ESRRB: variants seen among roughly 807,000 people sequenced by gnomAD.
ESRRB encodes estrogen related receptor beta.
Under a neutral mutation model 46.0 loss-of-function variants are expected in ESRRB, and 16 were observed. That is an observed-to-expected ratio of 0.35 (90% confidence interval 0.24 to 0.53). The LOEUF is 0.53. ESRRB is among the 20% of genes least tolerant of loss of function. ESRRB has a pLI of 0.93. For synonymous variants in ESRRB, 246 were observed against 259.6 expected (o/e 0.95, Z 0.50); for missense variants, 488 against 607.4 (o/e 0.80, Z 2.07).
chr14:76,382,135 C>T (rs182138489), intron 1 of ESRRB, among the ~76,000 whole-genome samples: 1 of 152,326 alleles, frequency 6.6e-6, no homozygotes, highest in Non-Finnish European at 1.5e-5. Flanking sequence ...AAGAGAGTTT[C>T]CACCGTGGGA....
chr14:76,416,981 T>C (rs1232370144), intron 1 of ESRRB, among the ~76,000 whole-genome samples: 2 of 151,940 alleles, frequency 1.3e-5, no homozygotes, highest in African/African-American at 4.8e-5. Context: ...ATGTAGAGTA[T>C]ATGAAATTAG....
chr14:76,447,296 T>TCCTTCCTTCCTC (rs1888194927), intron 2 of ESRRB, among the ~76,000 whole-genome samples: 1 of 133,864 alleles, frequency 7.5e-6, no homozygotes, highest in Non-Finnish European at 1.6e-5. Context: ...CTTCCTTCCT[T>TCCTTCCTTCCTC]CCTTCTTTCC....
In ESRRB at chr14:76,491,536, C is replaced by A; in HGVS notation, c.940C>A (p.Leu314Met). The A allele has an allele frequency of 6.3e-7, 1 of 1,598,480 alleles. No individual in the cohort carries two copies. Among genetic ancestry groups the A allele is most frequent in the South Asian group, 1.1e-5 (1 of 88,466 alleles). ...ILILGIVYRS[L>M]PYDDKLVYAE... ...CATCCTGGGCATCGTGTACCGCTCG[C>A]TGCCCTATGACGACAAGCTGGTGTA... Residue 314 changes from leucine (L) to methionine (M), a missense_variant, in exon 6 of 7, where the codon CTG (leucine) becomes ATG (methionine). Physicochemically the swap from Leu to Met is conservative, Grantham distance 15. Coordinates refer to ENST00000644823, the MANE Select transcript of ESRRB (RefSeq NM_001379180.1).
chr14:76,436,581 T>C (rs1447464407), intron 1 of ESRRB, among the ~76,000 whole-genome samples: 1 of 152,144 alleles, frequency 6.6e-6, no homozygotes, highest in African/African-American at 2.4e-5. Context: ...AGTTAGGATG[T>C]GGTCAGCTCT....
Position 76,482,059 on chromosome 14 carries a change from G to C in ESRRB, c.621G>C (p.Lys207Asn), listed in dbSNP as rs758354881. ...DRVRGGRQKY[K>N]RRLDSESSPY... ...TGCGTGGAGGCCGTCAGAAATACAA[G>C]CGACGGCTGGACTCAGAGAGCAGCC... The change falls in exon 4 of 7, where the codon AAG (lysine) becomes AAC (asparagine). Residue 207 changes from lysine (K) to asparagine (N), a missense_variant. Physicochemically the swap from Lys to Asn is moderately conservative, Grantham distance 94 (BLOSUM62 0). Transcript: ENST00000644823. This position sits in a 1 kb window ranked among gnomAD's most constrained non-coding sequence, Gnocchi z 4.3. The C allele has an allele frequency of 6.2e-7, 1 of 1,614,116 alleles. No homozygotes were observed. Among genetic ancestry groups the C allele is most frequent in the African/African-American group, 1.3e-5 (1 of 74,938 alleles).
At chr14:76,481,090 C>G (rs1889788394) in intron 3 of ESRRB, among the ~76,000 whole-genome samples, 1 of 152,232 alleles carries the variant, frequency 6.6e-6, no homozygotes, top group African/African-American at 2.4e-5. Context: ...CAGCACCATG[C>G]TTGGGGCACC....
At chr14:76,415,181 C>T (rs1029290012) in intron 1 of ESRRB, among the ~76,000 whole-genome samples, 2 of 152,124 alleles carry the variant, frequency 1.3e-5, no homozygotes, top group African/African-American at 4.8e-5. Context: ...GTGTTCCAAG[C>T]TCAGTGGAGT....
rs532101305 is a variant in ESRRB at position 76,489,394 on chromosome 14, C to T, written c.851-2053C>T. On this transcript the variant is annotated intron_variant, in intron 5 of 6. Transcript: ENST00000644823. Reference sequence around the variant, plus strand: ...ATCTTTTATTACCTCCCAGCTCCCCCGGCCACCACAGGCAGCCACACACCC... The same window carrying T: ...ATCTTTTATTACCTCCCAGCTCCCCTGGCCACCACAGGCAGCCACACACCC... Among the ~76,000 whole-genome samples, 212 of 149,746 alleles carry T rather than the reference C, an allele frequency of 1.4e-3. 1 individual carries two copies. The highest frequency in any genetic ancestry group is 3.5e-3 in the Middle Eastern group (1 of 284).
At chr14:76,349,594 G>T (rs1333265840) in intron 1 of ESRRB, among the ~76,000 whole-genome samples, 1 of 152,192 alleles carries the variant, frequency 6.6e-6, no homozygotes, top group East Asian at 1.9e-4. Context: ...ATGAGATTTG[G>T]ACTCTCTAGT....
intron 1 of ESRRB, among the ~76,000 whole-genome samples, chr14:76,335,668 G>A (rs1055065338): frequency 4.0e-4 from 61 of 152,228 alleles, no homozygotes; most frequent in African/African-American, 1.3e-3. Context: ...CTGGTTGGTG[G>A]GTTCTAAGTT....
At chr14:76,408,819 G>A (rs1886311292) in intron 1 of ESRRB, among the ~76,000 whole-genome samples, 1 of 152,138 alleles carries the variant, frequency 6.6e-6, no homozygotes, top group Non-Finnish European at 1.5e-5. Flanking sequence ...CAAAATATAT[G>A]AGGAGTAATG....
intron 3 of ESRRB, among the ~76,000 whole-genome samples, chr14:76,471,153 G>C (rs1889360553): frequency 6.6e-6 from 1 of 152,142 alleles, no homozygotes; most frequent in Non-Finnish European, 1.5e-5. Flanking sequence ...GAAACCTGGA[G>C]GTCATCCTTG....
rs376929980 is a variant in ESRRB at position 76,415,180 on chromosome 14, G to A, written c.51-24161G>A. The stretch of plus-strand genomic sequence containing the variant: ...GCATTTTTAACTTAGTGTGTTCCAA[G>A]CTCAGTGGAGTTTCAGAGGGGAATG... On this transcript the variant is annotated intron_variant, in intron 1 of 6. Coordinates refer to ENST00000644823, the MANE Select transcript of ESRRB (RefSeq NM_001379180.1). 2.2e-4 allele frequency among the ~76,000 whole-genome samples: 33 copies of A among 152,260 alleles called. No individual in the cohort carries two copies. The South Asian group carries it at 6.5e-3, about 30-fold the overall frequency.
At chr14:76,374,834 C>G (rs951017998), upstream of ESRRB, among the ~76,000 whole-genome samples, 6 of 152,176 alleles carry the variant, frequency 3.9e-5, no homozygotes, top group African/African-American at 1.4e-4. Flanking sequence ...TCCTCCACTT[C>G]AGCACATATG....
chr14:76,400,033 C>T (rs2139838223), intron 1 of ESRRB, among the ~76,000 whole-genome samples: 1 of 152,320 alleles, frequency 6.6e-6, no homozygotes, highest in East Asian at 1.9e-4. Context: ...GCCAAACCTG[C>T]AAATTACCCA....
At chr14:76,471,362 T>C (rs1317811003) in intron 3 of ESRRB, among the ~76,000 whole-genome samples, 1 of 152,216 alleles carries the variant, frequency 6.6e-6, no homozygotes, top group Non-Finnish European at 1.5e-5. Flanking sequence ...TAAGATTCTG[T>C]CATTTTGCTT....
chr14:76,399,387 A>G (rs1000199408), intron 1 of ESRRB, among the ~76,000 whole-genome samples: 1 of 152,068 alleles, frequency 6.6e-6, no homozygotes, highest in Non-Finnish European at 1.5e-5. Flanking sequence ...TCCCTGAATC[A>G]ATGCTAGGCT....
chr14:76,447,535 C>G (rs1888203702), intron 2 of ESRRB, among the ~76,000 whole-genome samples: 1 of 152,058 alleles, frequency 6.6e-6, no homozygotes, highest in African/African-American at 2.4e-5. Context: ...CCTTTCACAC[C>G]TAATGAACAT....
intron 1 of ESRRB, among the ~76,000 whole-genome samples, chr14:76,402,225 T>C (rs1885975507): frequency 6.6e-6 from 1 of 152,202 alleles, no homozygotes; most frequent in Admixed American, 6.5e-5. Context: ...CCCAGAATAA[T>C]ATTTGGCCAA....
Sources: gnomAD v4.1 joint callset for allele counts (sites outside exome capture counted in the v4.1 genomes callset) on GRCh38, gnomAD v4.1.1 for gene constraint, Gnocchi (gnomAD v3.1) non-coding constraint, MANE v1.5 for transcripts, NCBI Gene and HGNC (gene_info 2026-07-23, HGNC 2026-07-21) for gene names.